NDST1: variants seen among roughly 807,000 people sequenced by gnomAD.
The protein encoded by NDST1 is N-deacetylase and N-sulfotransferase 1, also known as bifunctional heparan sulfate N-deacetylase/N-sulfotransferase 1.
Under a neutral mutation model 92.8 loss-of-function variants are expected in NDST1, and 35 were observed. That is an observed-to-expected ratio of 0.38 (90% CI 0.29 to 0.50). The LOEUF is 0.50. NDST1 is among the 20% of genes least tolerant of loss of function. NDST1 has a pLI of 0.94. For synonymous variants in NDST1, 493 were observed against 500.3 expected (o/e 0.99, Z 0.19); for missense variants, 822 against 1,182.7 (o/e 0.69, Z 4.47).
At chr5:150,522,457 G>C (rs547983215) in intron 2 of NDST1, among the ~76,000 whole-genome samples, 1 of 151,986 alleles carries the variant, frequency 6.6e-6, no homozygotes, top group African/African-American at 2.4e-5. Flanking sequence ...GGTTGGGAAT[G>C]GTGGGCGGGG....
chr5:150,550,806 T>C (rs1755687983), intron 13 of NDST1: 1 of 152,310 alleles, frequency 6.6e-6, no homozygotes, highest in African/African-American at 2.4e-5. Flanking sequence ...CATCCATCTC[T>C]TCAGCCTTTC....
chr5:150,527,788 C>G lies in NDST1; in HGVS notation c.514-16C>G, dbSNP rs376117430. On this transcript the variant is annotated splice_polypyrimidine_tract_variant and intron_variant, in intron 2 of 14. Transcript: ENST00000261797. ...GTGACAGTTCTGTTCCCCTTCCTGC[C>G]CTCCATTGACTGCAGGCCAATGAGA... is the stretch of plus-strand genomic sequence containing the variant. The G allele has an allele frequency of 6.2e-7, 1 of 1,612,818 alleles. No individual in the cohort carries two copies. Among genetic ancestry groups the G allele is most frequent in the Non-Finnish European group, 8.5e-7 (1 of 1,180,028 alleles).
At chr5:150,551,256 C>T in intron 13 of NDST1, among the ~76,000 whole-genome samples, 1 of 152,130 alleles carries the variant, frequency 6.6e-6, no homozygotes, top group East Asian at 1.9e-4. Flanking sequence ...ATGAAATTCT[C>T]CAGTGACAGG....
chr5:150,501,432 C>T (rs965673186), intron 1 of NDST1, among the ~76,000 whole-genome samples: 7 of 152,162 alleles, frequency 4.6e-5, no homozygotes, highest in African/African-American at 1.4e-4. Context: ...CAGGGACAAA[C>T]GTAAAGTCTT....
At position 150,528,004 on chromosome 5, in the gene NDST1, G is replaced by C. The variant is rs774253661; in HGVS notation, c.714G>C (p.Val238=). ...FQSNHSTYEP[V]LLAKTRSSES... ...CAAATCACTCCACCTATGAGCCAGT[G>C]CTGCTGGCCAAGACGCGCTCGTCTG... Residue 238 remains valine, a synonymous_variant, in exon 3 of 15, where the codon GTG becomes GTC. Transcript: ENST00000261797. 1.5e-5 allele frequency: 24 copies of C among 1,613,688 alleles called. No homozygotes were observed. Among genetic ancestry groups the C allele is most frequent in the Admixed American group, 1.2e-4 (7 of 59,960 alleles).
intron 10 of NDST1, among the ~76,000 whole-genome samples, chr5:150,543,291 G>A (rs997596059): frequency 5.3e-5 from 8 of 152,226 alleles, no homozygotes; most frequent in South Asian, 2.1e-4. Context: ...TCCCAAGGTC[G>A]GAAATCCAAA....
In NDST1 at chr5:150,521,704, G is replaced by A; in HGVS notation, c.450G>A (p.Trp150Ter). ...NILKYVNLDA[W>*]NRELLDKYCV... ...TCAAGTATGTCAACCTGGACGCCTG[G>A]AACCGGGAGCTGCTGGACAAGTACT... Residue 150 changes from tryptophan to a stop codon, truncating the protein, a stop_gained, in exon 2 of 15, where the codon TGG becomes TGA. Transcript: ENST00000261797. LOFTEE classifies it high-confidence loss of function. The surrounding 1 kb of genome is among the most constrained non-coding windows in gnomAD (Gnocchi z 5.9). The A allele has an allele frequency of 6.2e-7, 1 of 1,614,048 alleles. No individual in the cohort carries two copies. The highest frequency in any genetic ancestry group is 8.5e-7 in the Non-Finnish European group (1 of 1,180,040).
chr5:150,538,607 T>G (rs1755097937), intron 6 of NDST1, among the ~76,000 whole-genome samples: 1 of 152,172 alleles, frequency 6.6e-6, no homozygotes, highest in South Asian at 2.1e-4. Flanking sequence ...GCTGGAAGGA[T>G]GAGTTGTCAT....
chr5:150,533,167 C>T, intron 4 of NDST1, 135 bp downstream of exon 4: 1 of 870,862 alleles, frequency 1.1e-6, no homozygotes, highest in South Asian at 1.4e-5. Context: ...CCCTCTGCCC[C>T]CGTGGAGCCA....
At chr5:150,519,901 G>A (rs1271374576) in intron 1 of NDST1, among the ~76,000 whole-genome samples, 2 of 152,124 alleles carry the variant, frequency 1.3e-5, no homozygotes, top group African/African-American at 4.8e-5. Flanking sequence ...TGCAGGCGGT[G>A]CGGGGGGTTC....
At chr5:150,543,365 AG>A (rs950719424) in intron 10 of NDST1, among the ~76,000 whole-genome samples, 27 of 152,272 alleles carry the variant, frequency 1.8e-4, no homozygotes, top group African/African-American at 6.0e-4. Context: ...TGGGCCCTTC[AG>A]GGACAGGTCG....
rs200605703 is a variant in NDST1, at chr5:150,540,927, G to A, written c.1750-643G>A. Reference sequence around the variant, plus strand: ...CTTGTATCTCTTCTAACTCCAGCAGGCTCTGAGTGGGAAAAGGGATTGATG... The same window carrying A: ...CTTGTATCTCTTCTAACTCCAGCAGACTCTGAGTGGGAAAAGGGATTGATG... On this transcript the variant is annotated intron_variant, in intron 8 of 14. Transcript: ENST00000261797. 3.3e-5 allele frequency among the ~76,000 whole-genome samples: 5 copies of A among 152,226 alleles called. No homozygotes were observed. In the East Asian group the frequency reaches 7.7e-4, roughly 23 times the overall value.
chr5:150,517,258 C>A (rs1158489969), intron 1 of NDST1, among the ~76,000 whole-genome samples: 1 of 151,756 alleles, frequency 6.6e-6, no homozygotes, highest in Non-Finnish European at 1.5e-5. Flanking sequence ...CCAAGTGATC[C>A]TCCTGAGTAG....
At chr5:150,504,313 G>A (rs1753357258), upstream of NDST1, among the ~76,000 whole-genome samples, 1 of 152,208 alleles carries the variant, frequency 6.6e-6, no homozygotes, top group Non-Finnish European at 1.5e-5. Context: ...TTTCTTAACA[G>A]CTTGGTAAAT....
At chr5:150,520,773 C>T (rs1334459570) in intron 1 of NDST1, 95 bp from the exon 2 acceptor site, 1 of 398,126 alleles carries the variant, frequency 2.5e-6, no homozygotes, top group Non-Finnish European at 4.4e-6. Context: ...GCCGTACTTG[C>T]ATTTGGGCAT....
In NDST1 at chr5:150,534,839, T is replaced by C. The variant is rs2545341; in HGVS notation, c.1097-28T>C. The C allele has an allele frequency of 0.64, 1,036,014 of 1,613,506 alleles. 335,109 individuals carry two copies. The highest frequency in any genetic ancestry group is 0.75 in the African/African-American group (55,971 of 75,004). On this transcript the variant is annotated intron_variant, in intron 4 of 14. Coordinates refer to ENST00000261797, the MANE Select transcript of NDST1 (RefSeq NM_001543.5). Reference sequence around the variant, plus strand: ...TTAGAGGGCCTCATGGCCCAGTGGGTGGTTCTGAGCTGCCTGTGTTGCTGC... The same window carrying C: ...TTAGAGGGCCTCATGGCCCAGTGGGCGGTTCTGAGCTGCCTGTGTTGCTGC...
intron 1 of NDST1, 26 bp from the exon 2 acceptor site, chr5:150,520,842 G>A (rs535746009): frequency 2.4e-5 from 10 of 413,972 alleles, no homozygotes; most frequent in South Asian, 1.1e-4. Context: ...GCACTCTGAC[G>A]CTCCTGTTCT....
At chr5:150,517,486 C>T (rs1305617660) in intron 1 of NDST1, among the ~76,000 whole-genome samples, 1 of 152,130 alleles carries the variant, frequency 6.6e-6, no homozygotes, top group Non-Finnish European at 1.5e-5. Context: ...TTGACACATC[C>T]TTATCACCCA....
intron 1 of NDST1, among the ~76,000 whole-genome samples, chr5:150,519,378 A>C (rs1296273782): frequency 1.3e-5 from 2 of 150,832 alleles, no homozygotes; most frequent in African/African-American, 4.8e-5. Flanking sequence ...GACCTGGGCA[A>C]CTCTCCTTCT....
Sources: allele counts gnomAD v4.1 joint callset (sites outside exome capture counted in the v4.1 genomes callset), GRCh38; gene constraint gnomAD v4.1.1; non-coding constraint Gnocchi (gnomAD v3.1); transcripts MANE v1.5; gene names NCBI Gene and HGNC (gene_info 2026-07-23, HGNC 2026-07-21).